CREB3: variants seen among roughly 807,000 people sequenced by gnomAD.
CREB3 encodes the protein cAMP responsive element binding protein 3.
A neutral mutation model predicts 34.5 loss-of-function variants in CREB3; 29 were observed. The ratio of observed to expected loss-of-function variants is 0.84; its 90% CI spans 0.63 to 1.15. The LOEUF (loss-of-function observed/expected upper bound fraction) is 1.15. Ranked by LOEUF, CREB3 falls within the 50% of genes most tolerant of loss-of-function variation. The pLI is 0.00. For synonymous variants in CREB3, 187 were observed against 173.9 expected (o/e 1.08, Z -0.59); for missense variants, 447 against 443.4 (o/e 1.01, Z -0.07).
chr9:35,732,840 T>TG lies in CREB3; in HGVS notation c.72dup (p.Thr25AspfsTer5). ...TTCCTGCTAGAGGAAAGTGGAGATTTGGGGACGGCACCCGATGAGGCCGTG... is the reference window on the plus strand; with the variant it reads ...TTCCTGCTAGAGGAAAGTGGAGATTTGGGGGACGGCACCCGATGAGGCCGTG... On this transcript the variant is annotated frameshift_variant, in exon 1 of 9. Transcript: ENST00000353704. LOFTEE classifies it high-confidence loss of function. The surrounding 1 kb of genome is among the most constrained non-coding windows in gnomAD (Gnocchi z 5.1). 6.2e-7 allele frequency: 1 copy of TG among 1,614,196 alleles called. No individual in the cohort carries two copies. Among genetic ancestry groups the TG allele is most frequent in the South Asian group, 1.1e-5 (1 of 91,086 alleles).
In CREB3 at chr9:35,736,507, C is replaced by A; in HGVS notation, c.897C>A (p.Asp299Glu). The change falls in exon 9 of 9, where the codon GAC becomes GAA. Residue 299 changes from aspartate (D) to glutamate (E), a missense_variant. Physicochemically the swap from Asp to Glu is conservative, Grantham distance 45 (BLOSUM62 2). Coordinates refer to ENST00000353704, the MANE Select transcript of CREB3 (RefSeq NM_006368.5). ...CACACCAGTGGTTGGACGGCTCAGA[C>A]TGTGTACTCCAGGCCCCTGGCAACA... Reference protein sequence around the residue: ...DSTHQWLDGSDCVLQAPGNTS... With the variant: ...DSTHQWLDGSECVLQAPGNTS... 6.2e-7 allele frequency: 1 copy of A among 1,614,212 alleles called. No homozygotes were observed. The highest frequency in any genetic ancestry group is 2.2e-5 in the East Asian group (1 of 44,882).
rs1368002506 is a variant in CREB3 at position 35,733,044 on chromosome 9, C to T, written c.178C>T (p.Pro60Ser). ...TGATTTGCTGTGCTCCCTGCTGAGT[C>T]CCCCAGCGTCGTTGAACATTCTCAG... ...VDDLLCSLLS[P>S]PASLNILSSS... The change falls in exon 2 of 9, where the codon CCC becomes TCC. Residue 60 changes from proline to serine, a missense_variant. Coordinates refer to ENST00000353704, the MANE Select transcript of CREB3 (RefSeq NM_006368.5). 1.9e-6 allele frequency: 3 copies of T among 1,614,212 alleles called. No individual in the cohort carries two copies. The highest frequency in any genetic ancestry group is 4.5e-5 in the East Asian group (2 of 44,892).
At position 35,734,204 on chromosome 9, in the gene CREB3, C is replaced by T. The variant is rs577418679; in HGVS notation, c.435+719C>T. ...TTGTTGCCAGGCTGGTCTCGAACTC[C>T]TGGGCTCAAGTGATCTACCCACCTT... is the stretch of plus-strand genomic sequence containing the variant. On this transcript the variant is annotated intron_variant, in intron 4 of 8. Transcript: ENST00000353704. 3.3e-5 allele frequency among the ~76,000 whole-genome samples: 5 copies of T among 152,170 alleles called. No individual in the cohort carries two copies. In the East Asian group the frequency reaches 7.7e-4, roughly 23 times the overall value.
At position 35,733,235 on chromosome 9, in the gene CREB3, G is replaced by C. The variant is rs1826124984; in HGVS notation, c.298G>C (p.Glu100Gln). The C allele has an allele frequency of 1.2e-6, 2 of 1,614,208 alleles. No homozygotes were observed. Among genetic ancestry groups the C allele is most frequent in the Admixed American group, 1.7e-5 (1 of 60,026 alleles). The part of the protein sequence containing the change: ...MDLESESCRK[E>Q]GTQMTPQHME... ...TGCAGAGAGTGAGAGCTGTAGAAAA[G>C]AGGGGACCCAGATGACTCCACAGCA... is the stretch of plus-strand genomic sequence containing the variant. Residue 100 changes from glutamate to glutamine, a missense_variant, in exon 3 of 9, where the codon GAG (glutamate) becomes CAG (glutamine). Coordinates refer to ENST00000353704, the MANE Select transcript of CREB3 (RefSeq NM_006368.5).
Position 35,735,366 on chromosome 9 carries a change from A to G in CREB3, c.603A>G (p.Glu201=). 1.2e-6 allele frequency: 2 copies of G among 1,613,728 alleles called. No individual in the cohort carries two copies. Among genetic ancestry groups the G allele is most frequent in the South Asian group, 2.2e-5 (2 of 91,076 alleles). Residue 201 remains glutamate, a synonymous_variant, in exon 6 of 9, where the codon GAA becomes GAG. Coordinates refer to ENST00000353704, the MANE Select transcript of CREB3 (RefSeq NM_006368.5). ...ELQNKVQLLE[E]QNLSLLDQLR... The stretch of plus-strand genomic sequence containing the variant: ...AGAACAAAGTACAGCTTCTGGAGGA[A>G]CAGAATTTGTAAGTATCCCTCCAAA...
At position 35,733,203 on chromosome 9, in the gene CREB3, T is replaced by C. The variant is rs762593032; in HGVS notation, c.278-12T>C. 1 of 1,614,156 alleles carries C rather than the reference T, an allele frequency of 6.2e-7. No individual in the cohort carries two copies. Among genetic ancestry groups the C allele is most frequent in the South Asian group, 1.1e-5 (1 of 91,084 alleles). ...TTCATGGGCCTGGCTATTCATACTT[T>C]CCCTTTTGCAGAGAGTGAGAGCTGT... On this transcript the variant is annotated splice_polypyrimidine_tract_variant and intron_variant, in intron 2 of 8. Transcript: ENST00000353704.
At position 35,736,891 on chromosome 9, in the gene CREB3, C is replaced by T. The variant is rs1242791326; in HGVS notation, c.*165C>T. 5.3e-6 allele frequency: 4 copies of T among 747,778 alleles called. No homozygotes were observed. The Admixed American group carries it at 8.6e-5, about 16-fold the overall frequency. The allele number at this position is 747,778 out of a possible 1,614,324, so 46.3% of individuals were successfully genotyped here. ...TGGCTTTCTGGGTCTTTTATTTGTA[C>T]CCATGTGTCTGTCACACCATGAATG... On this transcript the variant is annotated 3_prime_UTR_variant, in exon 9 of 9. Transcript: ENST00000353704.
In CREB3 at chr9:35,733,242, C is replaced by T; in HGVS notation, c.305C>T (p.Thr102Ile). The T allele has an allele frequency of 6.2e-7, 1 of 1,614,144 alleles. No individual in the cohort carries two copies. The highest frequency in any genetic ancestry group is 8.5e-7 in the Non-Finnish European group (1 of 1,180,016). The change falls in exon 3 of 9, where the codon ACC becomes ATC. Residue 102 changes from threonine (T) to isoleucine (I), a missense_variant. Coordinates refer to ENST00000353704, the MANE Select transcript of CREB3 (RefSeq NM_006368.5). Reference protein sequence around the residue: ...LESESCRKEGTQMTPQHMEEL... With the variant: ...LESESCRKEGIQMTPQHMEEL... ...AGTGAGAGCTGTAGAAAAGAGGGGA[C>T]CCAGATGACTCCACAGCATATGGAG...
intron 4 of CREB3, 72 bp downstream of exon 4, chr9:35,733,557 T>C: frequency 2.0e-6 from 2 of 1,009,940 alleles, no homozygotes; most frequent in African/African-American, 1.6e-5. Context: ...TCTGTTAACT[T>C]TATATCAATA....
chr9:35,736,578 C>G lies in CREB3; in HGVS notation c.968C>G (p.Pro323Arg). The G allele has an allele frequency of 6.2e-7, 1 of 1,614,172 alleles. No individual in the cohort carries two copies. The highest frequency in any genetic ancestry group is 8.5e-7 in the Non-Finnish European group (1 of 1,180,024). Residue 323 changes from proline (P) to arginine (R), a missense_variant, in exon 9 of 9, where the codon CCT becomes CGT. Physicochemically the swap from Pro to Arg is moderately radical, Grantham distance 103. Transcript: ENST00000353704. ...HYMPQAPSAE[P>R]PLEWPFPDLF... Reference sequence around the variant, plus strand: ...ATGCCTCAGGCTCCCAGTGCAGAGCCTCCCCTGGAGTGGCCATTCCCTGAC... The same window carrying G: ...ATGCCTCAGGCTCCCAGTGCAGAGCGTCCCCTGGAGTGGCCATTCCCTGAC...
At position 35,733,218 on chromosome 9, in the gene CREB3, G is replaced by C. The variant is rs1217343833; in HGVS notation, c.281G>C (p.Ser94Thr). The C allele has an allele frequency of 6.2e-7, 1 of 1,613,716 alleles. No homozygotes were observed. The highest frequency in any genetic ancestry group is 1.3e-5 in the African/African-American group (1 of 74,924). Residue 94 changes from serine to threonine, a missense_variant, in exon 3 of 9, where the codon AGT becomes ACT. Coordinates refer to ENST00000353704, the MANE Select transcript of CREB3 (RefSeq NM_006368.5). Reference protein sequence around the residue: ...PRETVSMDLESESCRKEGTQM... With the variant: ...PRETVSMDLETESCRKEGTQM... ...ATTCATACTTTCCCTTTTGCAGAGAGTGAGAGCTGTAGAAAAGAGGGGACC... is the reference window on the plus strand; with the variant it reads ...ATTCATACTTTCCCTTTTGCAGAGACTGAGAGCTGTAGAAAAGAGGGGACC...
intron 4 of CREB3, 114 bp downstream of exon 4, chr9:35,733,599 G>T (rs370091609): frequency 6.9e-6 from 5 of 721,316 alleles, no homozygotes; most frequent in Non-Finnish European, 1.2e-5. Context: ...GAGAAACTTA[G>T]TAGATTTATT....
chr9:35,734,445 TTG>T, intron 4 of CREB3, among the ~76,000 whole-genome samples: 1 of 152,294 alleles, frequency 6.6e-6, no homozygotes, highest in South Asian at 2.1e-4. Flanking sequence ...GTTAAAAATT[TTG>T]TCTTTTTTTT....
Position 35,735,288 on chromosome 9 carries a change from CTT to C in CREB3, c.543-16_543-15del. 6.2e-7 allele frequency: 1 copy of C among 1,613,724 alleles called. No homozygotes were observed. Among genetic ancestry groups the C allele is most frequent in the Non-Finnish European group, 8.5e-7 (1 of 1,179,598 alleles). The stretch of plus-strand genomic sequence containing the variant: ...GAGGATACAGGCCATATCCCCGTAT[CTT>C]TGTTATTTCCCCCAGGGTCTTGAAA... On this transcript the variant is annotated splice_polypyrimidine_tract_variant and intron_variant, in intron 5 of 8. Transcript: ENST00000353704.
rs1826123198 is a variant in CREB3 at position 35,733,159 on chromosome 9, GT to G, written c.277+19del. On this transcript the variant is annotated intron_variant, in intron 2 of 8. Transcript: ENST00000353704. Reference sequence around the variant, plus strand: ...ATGGATCTAGGTGAGTCTGAAATAAGTTTGCGGGGAGGACAGGGTTCATGGG... The same window carrying G: ...ATGGATCTAGGTGAGTCTGAAATAAGTTGCGGGGAGGACAGGGTTCATGGG... 3 of 1,614,196 alleles carry G rather than the reference GT, an allele frequency of 1.9e-6. No individual in the cohort carries two copies. The highest frequency in any genetic ancestry group is 2.5e-6 in the Non-Finnish European group (3 of 1,180,032).
rs1014628676 is a variant in CREB3 at position 35,733,025 on chromosome 9, G to T, written c.159G>T (p.Leu53Phe). The T allele has an allele frequency of 3.7e-5, 60 of 1,614,210 alleles. No individual in the cohort carries two copies. Among genetic ancestry groups the T allele is most frequent in the Non-Finnish European group, 4.7e-5 (56 of 1,180,034 alleles). Reference sequence around the variant, plus strand: ...CGAGCGACTGGGAAGTAGATGATTTGCTGTGCTCCCTGCTGAGTCCCCCAG... The same window carrying T: ...CGAGCGACTGGGAAGTAGATGATTTTCTGTGCTCCCTGCTGAGTCCCCCAG... ...EVPSDWEVDD[L>F]LCSLLSPPAS... The change falls in exon 2 of 9, where the codon TTG (leucine) becomes TTT (phenylalanine). Residue 53 changes from leucine (L) to phenylalanine (F), a missense_variant. Coordinates refer to ENST00000353704, the MANE Select transcript of CREB3 (RefSeq NM_006368.5).
rs1045208208 is a variant in CREB3, at chr9:35,733,244, C to G, written c.307C>G (p.Gln103Glu). Reference sequence around the variant, plus strand: ...TGAGAGCTGTAGAAAAGAGGGGACCCAGATGACTCCACAGCATATGGAGGA... The same window carrying G: ...TGAGAGCTGTAGAAAAGAGGGGACCGAGATGACTCCACAGCATATGGAGGA... ...ESESCRKEGTQMTPQHMEELA... is the reference protein window; with the variant it reads ...ESESCRKEGTEMTPQHMEELA... Residue 103 changes from glutamine to glutamate, a missense_variant, in exon 3 of 9, where the codon CAG becomes GAG. Gln to Glu is a conservative substitution (Grantham distance 29, BLOSUM62 2). Transcript: ENST00000353704. 6.2e-7 allele frequency: 1 copy of G among 1,614,164 alleles called. No homozygotes were observed. The highest frequency in any genetic ancestry group is 2.2e-5 in the East Asian group (1 of 44,882).
rs1295156644 is a variant in CREB3 at position 35,736,638 on chromosome 9, T to TC, written c.1033dup (p.Leu345ProfsTer16). The TC allele has an allele frequency of 6.2e-7, 1 of 1,613,338 alleles. No individual in the cohort carries two copies. Among genetic ancestry groups the TC allele is most frequent in the African/African-American group, 1.3e-5 (1 of 74,956 alleles). On this transcript the variant is annotated frameshift_variant, in exon 9 of 9. Transcript: ENST00000353704. LOFTEE classifies it low-confidence loss of function (END_TRUNC). ...GAGCCTCTCTGCCGAGGTCCCATCC[T>TC]CCCCCTGCAGGCAAATCTCACAAGG... is the stretch of plus-strand genomic sequence containing the variant.
In CREB3 at chr9:35,736,577, C is replaced by A; in HGVS notation, c.967C>A (p.Pro323Thr). 1 of 1,614,146 alleles carries A rather than the reference C, an allele frequency of 6.2e-7. No homozygotes were observed. Among genetic ancestry groups the A allele is most frequent in the Middle Eastern group, 1.6e-4 (1 of 6,062 alleles). ...CATGCCTCAGGCTCCCAGTGCAGAG[C>A]CTCCCCTGGAGTGGCCATTCCCTGA... Reference protein sequence around the residue: ...HYMPQAPSAEPPLEWPFPDLF... With the variant: ...HYMPQAPSAETPLEWPFPDLF... The change falls in exon 9 of 9, where the codon CCT (proline) becomes ACT (threonine). Residue 323 changes from proline (P) to threonine (T), a missense_variant. Transcript: ENST00000353704.
Sources: gnomAD v4.1 joint callset for allele counts (sites outside exome capture counted in the v4.1 genomes callset) on GRCh38, gnomAD v4.1.1 for gene constraint, Gnocchi (gnomAD v3.1) non-coding constraint, MANE v1.5 for transcripts, NCBI Gene and HGNC (gene_info 2026-07-23, HGNC 2026-07-21) for gene names.